RAP1GAP2: variants seen among roughly 807,000 people sequenced by gnomAD.
RAP1GAP2 encodes the protein rap1 GTPase-activating protein 2.
Under a neutral mutation model 95.0 loss-of-function variants are expected in RAP1GAP2, and 27 were observed. The ratio of observed to expected loss-of-function variants is 0.28; its 90% CI spans 0.21 to 0.39. The LOEUF (loss-of-function observed/expected upper bound fraction) is 0.39, where lower values mean the gene tolerates loss of function less well. Ranked by LOEUF, RAP1GAP2 falls within the 10% of genes least tolerant of loss-of-function variation. RAP1GAP2 has a pLI of 1.00. For missense variants in RAP1GAP2, 771 were observed against 970.0 expected, an observed-to-expected ratio of 0.79 and a Z score of 2.72; for synonymous variants, 373 against 380.9, an observed-to-expected ratio of 0.98 and a Z score of 0.24.
At chr17:2,771,187 C>A (rs1188277359) in intron 2 of RAP1GAP2, among the ~76,000 whole-genome samples, 1 of 152,148 alleles carries the variant, frequency 6.6e-6, no homozygotes, top group Non-Finnish European at 1.5e-5. Context: ...GCTGGGCACA[C>A]TTTGCTTTGA....
rs1567678183 is a variant in RAP1GAP2, at chr17:2,820,903, T to TTTTTTTTTTTTTTG, written c.80+20359_80+20360insTTTTTTTGTTTTTT. 3.2e-3 allele frequency among the ~76,000 whole-genome samples: 465 copies of TTTTTTTTTTTTTTG among 145,900 alleles called. 6 individuals are homozygous for TTTTTTTTTTTTTTG. The highest frequency in any genetic ancestry group is 0.011 in the African/African-American group (427 of 38,790). On this transcript the variant is annotated intron_variant, in intron 2 of 24. Coordinates refer to ENST00000254695, the MANE Select transcript of RAP1GAP2 (RefSeq NM_015085.5). The stretch of plus-strand genomic sequence containing the variant: ...CGGCCCGGATAATGGTTTTTTTTTT[T>TTTTTTTTTTTTTTG]TTTTTTGTATTTTTAGTAGAGATAG...
chr17:2,780,491 C>T (rs1382526377), intron 1 of RAP1GAP2, among the ~76,000 whole-genome samples: 1 of 152,250 alleles, frequency 6.6e-6, no homozygotes, highest in Non-Finnish European at 1.5e-5. Flanking sequence ...TTTGCCAAGG[C>T]CTGTTGCCAT....
chr17:2,952,037 A>AAAAT (rs144825813), intron 3 of RAP1GAP2, among the ~76,000 whole-genome samples: 1,759 of 149,936 alleles, frequency 0.012, 33 homozygotes, highest in African/African-American at 0.041. Context: ...GTGTCTCAGA[A>AAAAT]AAAATAAAAT....
At chr17:3,021,388 T>A (rs1168435632) in intron 19 of RAP1GAP2, among the ~76,000 whole-genome samples, 3 of 147,454 alleles carry the variant, frequency 2.0e-5, no homozygotes, top group African/African-American at 7.4e-5. Flanking sequence ...CGAGATTCAC[T>A]TTTTTAGCTC....
intron 17 of RAP1GAP2, 58 bp from the exon 18 acceptor site, chr17:3,018,003 G>A: frequency 6.6e-7 from 1 of 1,526,306 alleles, no homozygotes; most frequent in Non-Finnish European, 8.8e-7. Flanking sequence ...CACGAGGAGG[G>A]CAGAGTCATC....
At chr17:2,838,247 T>C (rs2071228049) in intron 2 of RAP1GAP2, among the ~76,000 whole-genome samples, 1 of 151,892 alleles carries the variant, frequency 6.6e-6, no homozygotes, top group South Asian at 2.1e-4. Context: ...CTTGAACTCC[T>C]GATCTTGTGA....
rs772839327 is a variant in RAP1GAP2 at position 2,965,405 on chromosome 17, G to A, written c.493-135G>A. 1.7e-5 allele frequency: 12 copies of A among 701,860 alleles called. No homozygotes were observed. Among genetic ancestry groups the A allele is most frequent in the Admixed American group, 5.1e-5 (2 of 39,512 alleles). The allele number at this position is 701,860 out of a possible 1,614,324, so 43.5% of individuals were successfully genotyped here. On this transcript the variant is annotated intron_variant, in intron 7 of 24. Transcript: ENST00000254695. The surrounding 1 kb of genome is among the most constrained non-coding windows in gnomAD (Gnocchi z 4.7). ...CCGGCCGTCGGTACCTGTTAATGTC[G>A]TTGTCATTGTCATCAGTAGCATCCT...
intron 1 of RAP1GAP2, among the ~76,000 whole-genome samples, chr17:2,789,107 G>C (rs376335565): frequency 7.1e-4 from 108 of 152,154 alleles, no homozygotes; most frequent in East Asian, 6.0e-3. Context: ...ACTCAGGCTG[G>C]AGTGCAGTGG....
Position 2,887,275 on chromosome 17 carries a change from C to G in RAP1GAP2, c.81-18009C>G, listed in dbSNP as rs1180078210. On this transcript the variant is annotated intron_variant, in intron 2 of 24. Transcript: ENST00000254695. ...GTTTCCCCATATTGCCCAGGCTGGT[C>G]TTGAATTCCTGGCCTCAAGGGATCT... is the stretch of plus-strand genomic sequence containing the variant. Among the ~76,000 whole-genome samples, 4 of 151,834 alleles carry G rather than the reference C, an allele frequency of 2.6e-5. No homozygotes were observed. In the East Asian group the frequency reaches 5.8e-4, roughly 22 times the overall value.
intron 1 of RAP1GAP2, among the ~76,000 whole-genome samples, chr17:2,769,232 TAA>T (rs58436827): frequency 1.4e-4 from 6 of 42,910 alleles, no homozygotes; most frequent in African/African-American, 5.7e-4. Flanking sequence ...ACCATTTCTC[TAA>T]AAAAAAAAAA....
In RAP1GAP2 at chr17:3,030,999, G is replaced by T; in HGVS notation, c.2184+1G>T. 6.3e-7 allele frequency: 1 copy of T among 1,599,774 alleles called. No individual in the cohort carries two copies. Among genetic ancestry groups the T allele is most frequent in the South Asian group, 1.1e-5 (1 of 88,946 alleles). On this transcript the variant is annotated splice_donor_variant, in intron 23 of 24. Transcript: ENST00000254695. LOFTEE classifies it high-confidence loss of function. ...GCTCAGCCATGCCAGCTCTGGTGCG[G>T]TAAGGATGCGCCTCCCACACCCCAC...
chr17:2,957,676 C>T, intron 3 of RAP1GAP2, 83 bp from the exon 4 acceptor site: 1 of 1,437,194 alleles, frequency 7.0e-7, no homozygotes, highest in Non-Finnish European at 9.6e-7. Context: ...GCTCAGCTTC[C>T]TGATAGTTGG....
At chr17:2,911,132 C>T (rs2042364115) in intron 3 of RAP1GAP2, among the ~76,000 whole-genome samples, 1 of 152,220 alleles carries the variant, frequency 6.6e-6, no homozygotes, top group African/African-American at 2.4e-5. Flanking sequence ...CTGGCTGGAG[C>T]AGTAGCTGGC....
intron 3 of RAP1GAP2, among the ~76,000 whole-genome samples, chr17:2,954,200 G>C (rs2044024002): frequency 6.6e-6 from 1 of 152,140 alleles, no homozygotes; most frequent in Non-Finnish European, 1.5e-5. Flanking sequence ...CGCCTCCCGG[G>C]TTCACGCCAT....
chr17:2,943,820 A>G lies in RAP1GAP2; in HGVS notation c.166-13939A>G, dbSNP rs138371847. On this transcript the variant is annotated intron_variant, in intron 3 of 24. Transcript: ENST00000254695. ...GAAATGCAAATAAAACCACAGTGAT[A>G]TATCACCTCAGACCTGTTAGGATGG... is the stretch of plus-strand genomic sequence containing the variant. 3.1e-3 allele frequency among the ~76,000 whole-genome samples: 470 copies of G among 152,192 alleles called. 2 individuals carry two copies. Among genetic ancestry groups the G allele is most frequent in the African/African-American group, 0.011 (450 of 41,522 alleles).
Position 3,026,015 on chromosome 17 carries a change from A to G in RAP1GAP2, c.1759A>G (p.Thr587Ala). The G allele has an allele frequency of 6.2e-7, 1 of 1,611,884 alleles. No homozygotes were observed. The highest frequency in any genetic ancestry group is 8.5e-7 in the Non-Finnish European group (1 of 1,178,082). Residue 587 changes from threonine to alanine, a missense_variant, in exon 20 of 25, where the codon ACA becomes GCA. Coordinates refer to ENST00000254695, the MANE Select transcript of RAP1GAP2 (RefSeq NM_015085.5). ...QGDSRARCDS[T>A]SSTPKTPDGG... ...TCATTTCCATTCCCTCAGTGACAGC[A>G]CATCCAGCACACCCAAGACCCCAGA...
chr17:2,762,218 A>C (rs1011878565), intron 1 of RAP1GAP2, among the ~76,000 whole-genome samples: 43 of 151,020 alleles, frequency 2.8e-4, no homozygotes, highest in Admixed American at 1.2e-3. Flanking sequence ...CGATCTCCTG[A>C]CCTCGTGATC....
chr17:2,981,061 C>T lies in RAP1GAP2; in HGVS notation c.676-134C>T. The T allele has an allele frequency of 2.8e-6, 2 of 709,356 alleles. 1 individual carries two copies. The highest frequency in any genetic ancestry group is 7.0e-4 in the Middle Eastern group (2 of 2,866). The allele number at this position is 709,356 out of a possible 1,614,324, so 43.9% of individuals were successfully genotyped here. A position where few individuals can be genotyped will look rare whatever the true frequency, so the allele number is the denominator to read the frequency against. ...TGCCTGGGCACGTGTTAGTGAGCAG[C>T]AGTCAGAATCCCCGCCCAGGCCTCC... is the stretch of plus-strand genomic sequence containing the variant. On this transcript the variant is annotated intron_variant, in intron 9 of 24. Transcript: ENST00000254695.
At chr17:2,951,652 A>G (rs1244558518) in intron 3 of RAP1GAP2, among the ~76,000 whole-genome samples, 3 of 152,252 alleles carry the variant, frequency 2.0e-5, no homozygotes, top group Admixed American at 2.0e-4. Context: ...CAGGAGATCG[A>G]GACTGCAGTG....
Sources: gnomAD v4.1 joint callset for allele counts (sites outside exome capture counted in the v4.1 genomes callset) on GRCh38, gnomAD v4.1.1 for gene constraint, Gnocchi (gnomAD v3.1) non-coding constraint, MANE v1.5 for transcripts, NCBI Gene and HGNC (gene_info 2026-07-23, HGNC 2026-07-21) for gene names.